The following RFX8 variants were observed in gnomAD, a reference collection of about 807,000 sequenced individuals.
RFX8 encodes the protein DNA-binding protein RFX8.
Under a neutral mutation model 54.6 loss-of-function variants are expected in RFX8, and 46 were observed. The ratio of observed to expected loss-of-function variants is 0.84; its 90% CI spans 0.67 to 1.08. The LOEUF (loss-of-function observed/expected upper bound fraction) is 1.08, where lower values mean the gene tolerates loss of function less well. Among genes scored for constraint, RFX8 ranks in the 50% least tolerant of loss-of-function variants. The pLI, the probability that RFX8 is intolerant of heterozygous loss-of-function variation, is 0.00. For synonymous variants in RFX8, 192 were observed against 209.5 expected, an observed-to-expected ratio of 0.92 and a Z score of 0.72; for missense variants, 536 against 562.3, an observed-to-expected ratio of 0.95 and a Z score of 0.47.
intron 2 of RFX8, among the ~76,000 whole-genome samples, chr2:101,455,845 T>C (rs1313971762): frequency 6.6e-6 from 1 of 152,254 alleles, no homozygotes; most frequent in African/African-American, 2.4e-5. Flanking sequence ...TTCCTATCTA[T>C]GAGCATAGAA....
intron 2 of RFX8, among the ~76,000 whole-genome samples, chr2:101,448,240 C>T (rs374249567): frequency 6.6e-6 from 1 of 152,102 alleles, no homozygotes; most frequent in Non-Finnish European, 1.5e-5. Flanking sequence ...GATATTCCAC[C>T]CTATTTCTCA....
chr2:101,416,931 G>C (rs1686552251), intron 6 of RFX8, among the ~76,000 whole-genome samples: 2 of 152,204 alleles, frequency 1.3e-5, no homozygotes, highest in South Asian at 4.1e-4. Flanking sequence ...ACTCAGCAGA[G>C]AGATGGTGCA....
chr2:101,400,137 GC>G (rs1375458184), intron 11 of RFX8, among the ~76,000 whole-genome samples: 20 of 152,230 alleles, frequency 1.3e-4, no homozygotes, highest in Admixed American at 7.2e-4. Flanking sequence ...TGCTCTTCAC[GC>G]CTTCTAACTG....
intron 2 of RFX8, among the ~76,000 whole-genome samples, chr2:101,448,568 G>C (rs1407869707): frequency 6.6e-6 from 1 of 152,060 alleles, no homozygotes; most frequent in African/African-American, 2.4e-5. Context: ...AGTTCTTATG[G>C]TACCTTTTGT....
chr2:101,457,003 A>T (rs1211103345), intron 2 of RFX8, among the ~76,000 whole-genome samples: 3 of 152,162 alleles, frequency 2.0e-5, no homozygotes, highest in Admixed American at 6.5e-5. Context: ...AGAGGTGTTT[A>T]TACTATTCTC....
chr2:101,438,930 G>C (rs1687933461), intron 2 of RFX8, among the ~76,000 whole-genome samples: 1 of 152,116 alleles, frequency 6.6e-6, no homozygotes, highest in African/African-American at 2.4e-5. Context: ...TCCTGGCTCA[G>C]CCTCCAGAGT....
At chr2:101,464,440 T>C (rs1293096878) in intron 2 of RFX8, among the ~76,000 whole-genome samples, 1 of 152,206 alleles carries the variant, frequency 6.6e-6, no homozygotes, top group Non-Finnish European at 1.5e-5. Flanking sequence ...TTCCAACATC[T>C]GCACAGGAAC....
chr2:101,455,299 C>G (rs1468845862), intron 2 of RFX8, among the ~76,000 whole-genome samples: 1 of 152,044 alleles, frequency 6.6e-6, no homozygotes, highest in Admixed American at 6.6e-5. Context: ...AGGTGTGAGC[C>G]ACCATGCCTG....
intron 9 of RFX8, among the ~76,000 whole-genome samples, chr2:101,406,289 G>A (rs1685733801): frequency 6.6e-6 from 1 of 151,648 alleles, no homozygotes; most frequent in Admixed American, 6.6e-5. Flanking sequence ...GAGAGAAGGA[G>A]GGAGGTAGGA....
intron 2 of RFX8, among the ~76,000 whole-genome samples, chr2:101,432,848 G>C (rs1229057104): frequency 6.6e-6 from 1 of 152,174 alleles, no homozygotes; most frequent in Non-Finnish European, 1.5e-5. Context: ...CCAAATCACC[G>C]AGTTAGAGAA....
Position 101,450,103 on chromosome 2 carries a change from A to T in RFX8, c.72+16674T>A, listed in dbSNP as rs190010784. On this transcript the variant is annotated intron_variant, in intron 2 of 11. Transcript: ENST00000428343. Reference sequence around the variant, plus strand: ...CATTGCCAGAGGCTGACAAAGGGACATTGGTTAAATGTTGATGTGATATGT... The same window carrying T: ...CATTGCCAGAGGCTGACAAAGGGACTTTGGTTAAATGTTGATGTGATATGT... Among the ~76,000 whole-genome samples, 536 of 152,352 alleles carry T rather than the reference A, an allele frequency of 3.5e-3. 2 individuals carry two copies. The highest frequency in any genetic ancestry group is 5.8e-3 in the Non-Finnish European group (393 of 68,030).
At chr2:101,445,676 CAT>C (rs1688336895) in intron 2 of RFX8, among the ~76,000 whole-genome samples, 1 of 151,988 alleles carries the variant, frequency 6.6e-6, no homozygotes, top group Non-Finnish European at 1.5e-5. Flanking sequence ...ACAATCTGCC[CAT>C]GTTGGCCTCC....
At chr2:101,452,401 T>A in intron 2 of RFX8, 1 of 1,421,170 alleles carries the variant, frequency 7.0e-7, no homozygotes, top group Non-Finnish European at 9.2e-7. Flanking sequence ...CTTCCTCTAG[T>A]GCCCAGCCTC....
chr2:101,429,372 A>G (rs1000184025), intron 2 of RFX8, among the ~76,000 whole-genome samples: 19 of 152,240 alleles, frequency 1.2e-4, no homozygotes, highest in African/African-American at 4.6e-4. Flanking sequence ...TGATACAGAA[A>G]TGATAATATC....
At chr2:101,472,088 C>T (rs991717858) in intron 1 of RFX8, among the ~76,000 whole-genome samples, 3 of 152,072 alleles carry the variant, frequency 2.0e-5, no homozygotes, top group African/African-American at 7.2e-5. Flanking sequence ...CTAGTACCAA[C>T]GATCTGTTTT....
intron 7 of RFX8, among the ~76,000 whole-genome samples, chr2:101,414,034 G>A (rs367863823): frequency 1.3e-5 from 2 of 152,158 alleles, no homozygotes; most frequent in Non-Finnish European, 1.5e-5. Flanking sequence ...CCCACGAGCC[G>A]GGTGCCAGCA....
intron 8 of RFX8, 32 bp downstream of exon 8, chr2:101,412,883 G>C (rs200557571): frequency 6.5e-7 from 1 of 1,537,434 alleles, no homozygotes; most frequent in Non-Finnish European, 8.8e-7. Context: ...TGCCCAACAC[G>C]CCAATAAAGC....
intron 8 of RFX8, 22 bp from the exon 9 acceptor site, chr2:101,410,735 A>C (rs1686076611): frequency 7.8e-7 from 1 of 1,281,962 alleles, no homozygotes; most frequent in East Asian, 2.5e-5. Context: ...CAAAATAAAC[A>C]AACAAAAGAT....
At chr2:101,471,672 T>C (rs2149002783) in intron 1 of RFX8, among the ~76,000 whole-genome samples, 1 of 152,306 alleles carries the variant, frequency 6.6e-6, no homozygotes, top group East Asian at 1.9e-4. Context: ...CCCAGAGCTT[T>C]AACCCCACCT....
Sources: allele counts gnomAD v4.1 joint callset (sites outside exome capture counted in the v4.1 genomes callset), GRCh38; gene constraint gnomAD v4.1.1; transcripts MANE v1.5; gene names NCBI Gene and HGNC (gene_info 2026-07-23, HGNC 2026-07-21).